Variants in CRTAC1 observed in about 807,000 individuals in gnomAD.
CRTAC1 encodes the protein acidic secreted protein in cartilage.
A neutral mutation model predicts 67.8 loss-of-function variants in CRTAC1; 37 were observed. That is an observed-to-expected ratio of 0.55 (90% confidence interval 0.42 to 0.72). The LOEUF (loss-of-function observed/expected upper bound fraction) is 0.72, where lower values mean the gene tolerates loss of function less well. Among genes scored for constraint, CRTAC1 ranks in the 30% least tolerant of loss-of-function variants. The pLI is 0.00. For missense variants in CRTAC1, 780 were observed against 931.6 expected (o/e 0.84, Z 2.12); for synonymous variants, 348 against 371.0 (o/e 0.94, Z 0.71).
intron 14 of CRTAC1, among the ~76,000 whole-genome samples, chr10:97,876,674 G>C (rs11817147): frequency 0.033 from 5,030 of 152,192 alleles, 270 homozygotes; most frequent in African/African-American, 0.11. Context: ...GTAGCATAAG[G>C]CAACAAAGAT....
intron 11 of CRTAC1, among the ~76,000 whole-genome samples, chr10:97,887,833 G>A (rs944391358): frequency 6.6e-6 from 1 of 152,224 alleles, no homozygotes; most frequent in Non-Finnish European, 1.5e-5. Flanking sequence ...TGGCACCATC[G>A]GCTCTTGGTC....
Position 98,011,252 on chromosome 10 carries a change from G to A in CRTAC1, c.110C>T (p.Ala37Val). ...GSQRAEPMFT[A>V]VTNSVLPPDY... ...AGGAGGCAGAACTGAGTTGGTGACT[G>A]CAGTGAACATGGGTTCAGCCCGCTG... Residue 37 changes from alanine (A) to valine (V), a missense_variant, in exon 2 of 15, where the codon GCA becomes GTA. Transcript: ENST00000370597. 1 of 1,614,214 alleles carries A rather than the reference G, an allele frequency of 6.2e-7. No individual in the cohort carries two copies. The highest frequency in any genetic ancestry group is 8.5e-7 in the Non-Finnish European group (1 of 1,180,018).
chr10:97,944,223 T>G (rs916121590), intron 2 of CRTAC1, among the ~76,000 whole-genome samples: 2 of 151,404 alleles, frequency 1.3e-5, no homozygotes, highest in African/African-American at 4.9e-5. Context: ...AGGTCAGGAG[T>G]TCAAGACCAG....
intron 2 of CRTAC1, among the ~76,000 whole-genome samples, chr10:97,954,239 T>G (rs1406776257): frequency 6.6e-6 from 1 of 152,098 alleles, no homozygotes; most frequent in African/African-American, 2.4e-5. Flanking sequence ...GAACAGCATC[T>G]AGGAGGCATG....
intron 5 of CRTAC1, among the ~76,000 whole-genome samples, chr10:97,911,774 C>A (rs1475272907): frequency 6.6e-6 from 1 of 152,230 alleles, no homozygotes; most frequent in African/African-American, 2.4e-5. Flanking sequence ...TCTACCAGGG[C>A]TTTCCCCTCC....
chr10:97,972,513 A>G (rs949670249), intron 2 of CRTAC1, among the ~76,000 whole-genome samples: 3 of 152,242 alleles, frequency 2.0e-5, no homozygotes, highest in Admixed American at 6.5e-5. Context: ...CGAGAAAGTT[A>G]AACCTGTACT....
At chr10:97,961,678 C>G (rs1468515468) in intron 2 of CRTAC1, among the ~76,000 whole-genome samples, 2 of 152,130 alleles carry the variant, frequency 1.3e-5, no homozygotes, top group Non-Finnish European at 2.9e-5. Flanking sequence ...TCTTTCTCCT[C>G]TTAGGTTGGT....
intron 3 of CRTAC1, among the ~76,000 whole-genome samples, chr10:97,929,868 T>C (rs1243375589): frequency 6.6e-6 from 1 of 152,210 alleles, no homozygotes; most frequent in Non-Finnish European, 1.5e-5. Flanking sequence ...TAAAAGGCTT[T>C]ATAAGACTTC....
intron 1 of CRTAC1, among the ~76,000 whole-genome samples, chr10:98,028,517 A>T (rs529614619): frequency 1.3e-5 from 2 of 152,056 alleles, no homozygotes; most frequent in East Asian, 3.9e-4. Context: ...AGTCTATTGC[A>T]CTCCCTAGAA....
rs916103701 is a variant in CRTAC1 at position 97,975,637 on chromosome 10, T to C, written c.224+35501A>G. Among the ~76,000 whole-genome samples the C allele has an allele frequency of 2.0e-5, 3 of 152,124 alleles. No individual in the cohort carries two copies. Among genetic ancestry groups the C allele is most frequent in the Non-Finnish European group, 2.9e-5 (2 of 68,004 alleles). ...TTCTGCATAGTTCTAAGATGGACTC[T>C]CCCTGTGAATGACAAAAAGGCGCCC... On this transcript the variant is annotated intron_variant, in intron 2 of 14. Coordinates refer to ENST00000370597, the MANE Select transcript of CRTAC1 (RefSeq NM_018058.7). This position sits in a 1 kb window ranked among gnomAD's most constrained non-coding sequence, Gnocchi z 4.8.
chr10:97,932,469 C>T (rs1229640458), intron 3 of CRTAC1, among the ~76,000 whole-genome samples: 3 of 152,166 alleles, frequency 2.0e-5, no homozygotes, highest in Non-Finnish European at 2.9e-5. Flanking sequence ...AAACAAAAAT[C>T]GCCTGTTTTC....
At chr10:97,887,227 G>GTTTTTTTTTTTTTTTTTTTTTTTTTTT (rs71007369) in intron 11 of CRTAC1, among the ~76,000 whole-genome samples, 1 of 127,960 alleles carries the variant, frequency 7.8e-6, no homozygotes, top group African/African-American at 3.1e-5. Context: ...CGGCACTTAG[G>GTTTTTTTTTTTTTTTTTTTTTTTTTTT]TTTTTTTTTT....
At chr10:97,937,635 T>C (rs1001629947) in intron 2 of CRTAC1, among the ~76,000 whole-genome samples, 4 of 152,226 alleles carry the variant, frequency 2.6e-5, no homozygotes, top group Admixed American at 1.3e-4. Flanking sequence ...GTCTGAATCA[T>C]AAAAGCTCAG....
chr10:97,896,503 C>T (rs975088304), intron 9 of CRTAC1, among the ~76,000 whole-genome samples: 4 of 152,140 alleles, frequency 2.6e-5, no homozygotes, highest in African/African-American at 4.8e-5. Context: ...GGACCCCTGG[C>T]CCAGTGCTCT....
chr10:97,924,041 G>A lies in CRTAC1; in HGVS notation c.422-641C>T, dbSNP rs2050878741. Reference sequence around the variant, plus strand: ...TGGTTTTCACCTCTTTTGGATTACTGGCCCCTTTGAGAATTGGAGGGAGGT... The same window carrying A: ...TGGTTTTCACCTCTTTTGGATTACTAGCCCCTTTGAGAATTGGAGGGAGGT... On this transcript the variant is annotated intron_variant, in intron 3 of 14. Coordinates refer to ENST00000370597, the MANE Select transcript of CRTAC1 (RefSeq NM_018058.7). Among the ~76,000 whole-genome samples, 3 of 152,198 alleles carry A rather than the reference G, an allele frequency of 2.0e-5. No homozygotes were observed. The South Asian group carries it at 6.2e-4, about 32-fold the overall frequency.
intron 11 of CRTAC1, among the ~76,000 whole-genome samples, chr10:97,894,731 T>TC (rs2136555740): frequency 3.7e-5 from 1 of 26,700 alleles, no homozygotes; most frequent in East Asian, 1.3e-3. Context: ...TATATATATA[T>TC]ATATATATAT....
At position 98,028,994 on chromosome 10, in the gene CRTAC1, T is replaced by TG. The variant is rs1190248943; in HGVS notation, c.24+1454dup. ...TGGAAATGTTCTAATTGTGGTCCTC[T>TG]GTGCCATCATCAAGACCCTCAACTC... is the stretch of plus-strand genomic sequence containing the variant. On this transcript the variant is annotated intron_variant, in intron 1 of 14. Coordinates refer to ENST00000370597, the MANE Select transcript of CRTAC1 (RefSeq NM_018058.7). 3.3e-5 allele frequency among the ~76,000 whole-genome samples: 5 copies of TG among 152,316 alleles called. No homozygotes were observed. The East Asian group carries it at 9.7e-4, about 29-fold the overall frequency.
intron 3 of CRTAC1, among the ~76,000 whole-genome samples, chr10:97,929,487 G>C (rs887517195): frequency 2.0e-5 from 3 of 152,194 alleles, no homozygotes; most frequent in Non-Finnish European, 4.4e-5. Context: ...CTCATGGTCT[G>C]GTATTGGTGG....
At chr10:97,889,879 G>A (rs530503473) in intron 11 of CRTAC1, among the ~76,000 whole-genome samples, 2 of 152,208 alleles carry the variant, frequency 1.3e-5, no homozygotes, top group South Asian at 2.1e-4. Flanking sequence ...TCAGTCATGC[G>A]GGACCTCAAG....
Sources: gnomAD v4.1 joint callset for allele counts (sites outside exome capture counted in the v4.1 genomes callset) on GRCh38, gnomAD v4.1.1 for gene constraint, Gnocchi (gnomAD v3.1) non-coding constraint, MANE v1.5 for transcripts, NCBI Gene and HGNC (gene_info 2026-07-23, HGNC 2026-07-21) for gene names.